The following BAZ2B variants were observed in gnomAD, a reference collection of about 807,000 sequenced individuals.
BAZ2B encodes the protein bromodomain adjacent to zinc finger domain 2B.
BAZ2B carries 91 observed loss-of-function variants against 246.0 expected under a neutral mutation model. That is an observed-to-expected ratio of 0.37 (90% CI 0.31 to 0.44). The LOEUF is 0.44. Ranked by LOEUF, BAZ2B falls within the 20% of genes least tolerant of loss-of-function variation. The pLI is 1.00. For synonymous variants in BAZ2B, 855 were observed against 860.0 expected, an observed-to-expected ratio of 0.99 and a Z score of 0.10; for missense variants, 2,332 against 2,533.7, an observed-to-expected ratio of 0.92 and a Z score of 1.71.
the BAZ2B span, among the ~76,000 whole-genome samples, chr2:159,666,845 G>A: frequency 6.6e-6 from 1 of 151,610 alleles, no homozygotes; most frequent in African/African-American, 2.4e-5. Flanking sequence ...ACAGAGCGAA[G>A]ACTCCATCTG....
chr2:159,366,936 T>C (rs1463024413), intron 27 of BAZ2B, among the ~76,000 whole-genome samples: 1 of 152,142 alleles, frequency 6.6e-6, no homozygotes, highest in Non-Finnish European at 1.5e-5. Context: ...TGAGAAGGAA[T>C]AAACCCTCAG....
intron 27 of BAZ2B, among the ~76,000 whole-genome samples, chr2:159,354,353 A>G (rs1417186477): frequency 2.0e-5 from 3 of 147,620 alleles, no homozygotes; most frequent in African/African-American, 7.8e-5. Flanking sequence ...ATTAAAAAAA[A>G]TATATATATA....
intron 13 of BAZ2B, among the ~76,000 whole-genome samples, chr2:159,414,816 C>CA (rs35430226): frequency 0.35 from 46,385 of 134,026 alleles, 7,531 homozygotes; most frequent in South Asian, 0.48. Flanking sequence ...GACTCCACCT[C>CA]AAAAAAAAAA....
chr2:159,594,035 C>A (rs374793954), intron 1 of BAZ2B, among the ~76,000 whole-genome samples: 1 of 152,158 alleles, frequency 6.6e-6, no homozygotes. Flanking sequence ...CATTTCCAGG[C>A]CTTTCAATTC....
intron 3 of BAZ2B, among the ~76,000 whole-genome samples, chr2:159,454,247 C>T (rs1331134077): frequency 6.6e-6 from 1 of 152,136 alleles, no homozygotes; most frequent in Non-Finnish European, 1.5e-5. Flanking sequence ...AATTATTATA[C>T]ACTCTAAGCA....
rs917716974 is a variant in BAZ2B at position 159,453,780 on chromosome 2, C to G, written c.167G>C (p.Gly56Ala). 7.5e-6 allele frequency: 12 copies of G among 1,606,082 alleles called. No homozygotes were observed. The highest frequency in any genetic ancestry group is 1.0e-5 in the Non-Finnish European group (12 of 1,176,222). Reference sequence around the variant, plus strand: ...TGTGGACAGGTTAAACGGTTGATCCCCAGCTGTTCTGAATAAATGTCCTGG... The same window carrying G: ...TGTGGACAGGTTAAACGGTTGATCCGCAGCTGTTCTGAATAAATGTCCTGG... ...NPCGHLFRTA[G>A]DQPFNLSTVS... Residue 56 changes from glycine to alanine, a missense_variant, in exon 4 of 37, where the codon GGG (glycine) becomes GCG (alanine). Transcript: ENST00000392783.
chr2:159,439,132 G>A lies in BAZ2B; in HGVS notation c.777C>T (p.Gly259=), dbSNP rs1353556147. Residue 259 remains glycine, a synonymous_variant, in exon 7 of 37, where the codon GGC becomes GGT. Coordinates refer to ENST00000392783, the MANE Select transcript of BAZ2B (RefSeq NM_013450.4). ...GATCATCTGAATCACTGCTACTAAT[G>A]CCTTCACTTGAGGTGTCTGATGATG... ...SGTSSDTSSE[G]ISSSDSDDLE... is the part of the protein sequence containing the mutation. The A allele has an allele frequency of 1.2e-6, 2 of 1,613,682 alleles. No homozygotes were observed. Among genetic ancestry groups the A allele is most frequent in the Non-Finnish European group, 1.7e-6 (2 of 1,179,910 alleles).
rs543707665 is a variant in BAZ2B at position 159,544,383 on chromosome 2, A to T, written c.-3+11440T>A. Among the ~76,000 whole-genome samples the T allele has an allele frequency of 2.0e-5, 3 of 152,322 alleles. No individual in the cohort carries two copies. The East Asian group carries it at 5.8e-4, about 29-fold the overall frequency. ...ACAATGCATATAGAGAATCAATAGGATTTGATACCAGCTTAGATGTGAATT... is the reference window on the plus strand; with the variant it reads ...ACAATGCATATAGAGAATCAATAGGTTTTGATACCAGCTTAGATGTGAATT... On this transcript the variant is annotated intron_variant, in intron 2 of 36. Transcript: ENST00000392783.
chr2:159,448,735 C>T (rs1417607749), intron 4 of BAZ2B, among the ~76,000 whole-genome samples: 2 of 152,142 alleles, frequency 1.3e-5, no homozygotes, highest in African/African-American at 4.8e-5. Context: ...GATGACTTAT[C>T]CCATAACTTT....
At chr2:159,654,442 C>CA in the BAZ2B span, among the ~76,000 whole-genome samples, 21 of 151,936 alleles carry the variant, frequency 1.4e-4, no homozygotes, top group African/African-American at 4.6e-4. Flanking sequence ...GAATCCAAGA[C>CA]AAAAAAACCC....
At chr2:159,390,099 TTCA>T (rs2063148301) in intron 20 of BAZ2B, among the ~76,000 whole-genome samples, 1 of 152,100 alleles carries the variant, frequency 6.6e-6, no homozygotes, top group South Asian at 2.1e-4. Flanking sequence ...TCGTTACTTT[TTCA>T]TCATATCTCA....
Position 159,412,513 on chromosome 2 carries a change from A to T in BAZ2B, c.2499T>A (p.Asp833Glu), listed in dbSNP as rs756433979. ...GMQWCLLKEEDVIPRIRAMEG... is the reference protein window; with the variant it reads ...GMQWCLLKEEEVIPRIRAMEG... Reference sequence around the variant, plus strand: ...CCATTGCCCTGATACGAGGAATGACATCCTCTTCTTTCAAAAGACACCACT... The same window carrying T: ...CCATTGCCCTGATACGAGGAATGACTTCCTCTTCTTTCAAAAGACACCACT... The change falls in exon 14 of 37, where the codon GAT (aspartate) becomes GAA (glutamate). Residue 833 changes from aspartate (D) to glutamate (E), a missense_variant. Transcript: ENST00000392783. 9 of 1,614,044 alleles carry T rather than the reference A, an allele frequency of 5.6e-6. No individual in the cohort carries two copies. Among genetic ancestry groups the T allele is most frequent in the Non-Finnish European group, 7.6e-6 (9 of 1,179,926 alleles).
At chr2:159,576,558 T>C (rs1480415609) in intron 1 of BAZ2B, among the ~76,000 whole-genome samples, 2 of 148,828 alleles carry the variant, frequency 1.3e-5, no homozygotes, top group Non-Finnish European at 3.0e-5. Flanking sequence ...GAACCCAGAA[T>C]TGGTAGTTTT....
chr2:159,471,602 A>T (rs1029811258), intron 3 of BAZ2B, among the ~76,000 whole-genome samples: 14 of 152,106 alleles, frequency 9.2e-5, no homozygotes, highest in Admixed American at 6.6e-5. Flanking sequence ...GCTCCCCCTA[A>T]AAAGAAGGTG....
At chr2:159,567,147 G>A (rs945832431) in intron 1 of BAZ2B, among the ~76,000 whole-genome samples, 2 of 152,088 alleles carry the variant, frequency 1.3e-5, no homozygotes, top group Non-Finnish European at 2.9e-5. Context: ...GGAGGCTGAC[G>A]CAGGAGAATC....
chr2:159,536,977 C>T (rs1022550150), intron 2 of BAZ2B, among the ~76,000 whole-genome samples: 4 of 152,046 alleles, frequency 2.6e-5, no homozygotes, highest in African/African-American at 7.3e-5. Context: ...GTCGATATCA[C>T]GATAGTGAAG....
the BAZ2B span, among the ~76,000 whole-genome samples, chr2:159,675,466 T>C: frequency 6.6e-6 from 1 of 152,140 alleles, no homozygotes; most frequent in Non-Finnish European, 1.5e-5. Context: ...GAAAATATGA[T>C]AGCAATGTAT....
intron 13 of BAZ2B, among the ~76,000 whole-genome samples, chr2:159,413,777 C>G (rs17423304): frequency 0.18 from 27,948 of 152,034 alleles, 2,809 homozygotes; most frequent in South Asian, 0.29. Flanking sequence ...AACTGAAAAT[C>G]TGAGCAATGA....
chr2:159,617,889 T>C (rs1696254423), upstream of BAZ2B, among the ~76,000 whole-genome samples: 1 of 152,166 alleles, frequency 6.6e-6, no homozygotes, highest in African/African-American at 2.4e-5. Flanking sequence ...GCAGGAGCAC[T>C]GGGGGAAGGG....
Sources: allele counts gnomAD v4.1 joint callset (sites outside exome capture counted in the v4.1 genomes callset), GRCh38; gene constraint gnomAD v4.1.1; transcripts MANE v1.5; gene names NCBI Gene and HGNC (gene_info 2026-07-23, HGNC 2026-07-21).